PTDSS1: variants seen among roughly 807,000 people sequenced by gnomAD.
PTDSS1 encodes phosphatidylserine synthase 1.
A neutral mutation model predicts 70.5 loss-of-function variants in PTDSS1; 45 were observed. The ratio of observed to expected loss-of-function variants is 0.64; its 90% CI spans 0.50 to 0.82. PTDSS1 has a LOEUF of 0.82. PTDSS1 is among the 40% of genes least tolerant of loss of function. The probability of loss-of-function intolerance (pLI) is 0.00; values close to 1 mark genes in which losing one functional copy is unlikely to be tolerated. For synonymous variants in PTDSS1, 188 were observed against 203.8 expected (o/e 0.92, Z 0.66); for missense variants, 417 against 586.1 (o/e 0.71, Z 2.98).
At position 96,334,932 on chromosome 8, in the gene PTDSS1, A is replaced by G. The variant is rs1051138867; in HGVS notation, c.*1366A>G. 2 of 152,214 alleles carry G rather than the reference A, an allele frequency of 1.3e-5. No homozygotes were observed. Among genetic ancestry groups the G allele is most frequent in the Admixed American group, 6.5e-5 (1 of 15,284 alleles). The allele number at this position is 152,214 out of a possible 1,614,324, so 9.4% of individuals were successfully genotyped here. On this transcript the variant is annotated 3_prime_UTR_variant, in exon 13 of 13. Transcript: ENST00000517309. ...TCGTTCTGATGTTTCTTCTTCTTTA[A>G]GGAAATCTTTAGCCATAGAAGTGTC...
chr8:96,261,915 G>A lies in PTDSS1; in HGVS notation c.-126G>A, dbSNP rs1345176511. The A allele has an allele frequency of 3.8e-6, 4 of 1,043,546 alleles. No individual in the cohort carries two copies. In the African/African-American group the frequency reaches 4.9e-5, roughly 13 times the overall value. The allele number at this position is 1,043,546 out of a possible 1,614,324, so 64.6% of individuals were successfully genotyped here. ...GCGCCTGTCCTTCCCTCTGCTCCCA[G>A]CCTTTGCTGGGCGCCAGACCCGGCT... On this transcript the variant is annotated 5_prime_UTR_variant, in exon 1 of 13. Coordinates refer to ENST00000517309, the MANE Select transcript of PTDSS1 (RefSeq NM_014754.3).
intron 10 of PTDSS1, among the ~76,000 whole-genome samples, chr8:96,329,246 T>C (rs1811479760): frequency 6.6e-6 from 1 of 152,108 alleles, no homozygotes; most frequent in Non-Finnish European, 1.5e-5. Flanking sequence ...ACAGCCAGGA[T>C]GGCTTGATGT....
intron 10 of PTDSS1, among the ~76,000 whole-genome samples, chr8:96,327,386 C>G (rs774446926): frequency 6.6e-6 from 1 of 152,038 alleles, no homozygotes; most frequent in Non-Finnish European, 1.5e-5. Flanking sequence ...GGACGTCGCC[C>G]GAAAAGAGGC....
intron 1 of PTDSS1, among the ~76,000 whole-genome samples, chr8:96,263,680 A>G (rs1467713502): frequency 6.6e-6 from 1 of 152,184 alleles, no homozygotes; most frequent in Non-Finnish European, 1.5e-5. Context: ...TTGGGTAGTC[A>G]CAAGGATTGA....
At chr8:96,306,578 TG>T in intron 8 of PTDSS1, 22 bp downstream of exon 8, 2 of 1,542,068 alleles carry the variant, frequency 1.3e-6, no homozygotes, top group Non-Finnish European at 1.8e-6. Context: ...CAAGCCTGAC[TG>T]TCATATGAGA....
intron 10 of PTDSS1, among the ~76,000 whole-genome samples, chr8:96,321,630 G>A (rs985930222): frequency 1.8e-4 from 27 of 152,060 alleles, no homozygotes; most frequent in Non-Finnish European, 3.2e-4. Flanking sequence ...TCTGTAAGTC[G>A]GTAATTGGAT....
intron 2 of PTDSS1, among the ~76,000 whole-genome samples, chr8:96,275,848 T>C (rs558487382): frequency 4.6e-5 from 7 of 152,298 alleles, no homozygotes; most frequent in Admixed American, 3.3e-4. Context: ...CCTTCTTCTT[T>C]GTCATCACTC....
chr8:96,331,371 A>G (rs1422684509), intron 12 of PTDSS1, among the ~76,000 whole-genome samples: 2 of 152,054 alleles, frequency 1.3e-5, no homozygotes, highest in Non-Finnish European at 2.9e-5. Context: ...TCTACAAAAA[A>G]TACAGAAATT....
chr8:96,319,342 A>G (rs1230744246), intron 9 of PTDSS1, among the ~76,000 whole-genome samples: 1 of 152,166 alleles, frequency 6.6e-6, no homozygotes, highest in South Asian at 2.1e-4. Context: ...CTGGGATCTC[A>G]TGGCCAACTA....
intron 2 of PTDSS1, among the ~76,000 whole-genome samples, chr8:96,273,894 G>C (rs1247279092): frequency 6.6e-6 from 1 of 152,070 alleles, no homozygotes; most frequent in Admixed American, 6.6e-5. Flanking sequence ...ATTTTCATCA[G>C]CAGGAAAAAA....
intron 9 of PTDSS1, among the ~76,000 whole-genome samples, chr8:96,316,805 C>T (rs559707124): frequency 1.3e-4 from 19 of 151,986 alleles, no homozygotes; most frequent in Non-Finnish European, 2.1e-4. Context: ...CCATCCTGGC[C>T]AACATGGTGA....
intron 8 of PTDSS1, 141 bp downstream of exon 8, chr8:96,306,697 G>A (rs1586200524): frequency 4.4e-6 from 3 of 688,808 alleles, no homozygotes; most frequent in Non-Finnish European, 7.5e-6. Flanking sequence ...AGAATATGAC[G>A]AAAATGTTTT....
chr8:96,322,987 G>A (rs1811392903), intron 10 of PTDSS1, among the ~76,000 whole-genome samples: 1 of 152,214 alleles, frequency 6.6e-6, no homozygotes, highest in Non-Finnish European at 1.5e-5. Context: ...GACAGGCATA[G>A]GATAGACATT....
At chr8:96,287,745 C>T (rs181825496) in intron 4 of PTDSS1, among the ~76,000 whole-genome samples, 4 of 152,170 alleles carry the variant, frequency 2.6e-5, no homozygotes, top group East Asian at 1.9e-4. Context: ...TTATTTTTAT[C>T]GAACCATACA....
At chr8:96,287,247 C>A (rs1310782026) in intron 4 of PTDSS1, 101 bp downstream of exon 4, 7 of 1,462,274 alleles carry the variant, frequency 4.8e-6, no homozygotes, top group Non-Finnish European at 5.6e-6. Context: ...CTCTGTATTT[C>A]CTGTGTAGTT....
chr8:96,296,524 T>A (rs1441158689), intron 5 of PTDSS1, among the ~76,000 whole-genome samples: 1 of 152,212 alleles, frequency 6.6e-6, no homozygotes, highest in Non-Finnish European at 1.5e-5. Context: ...CTGTACTGCC[T>A]ATGATCTCAT....
At chr8:96,269,013 G>A (rs527393023) in intron 1 of PTDSS1, among the ~76,000 whole-genome samples, 1 of 152,330 alleles carries the variant, frequency 6.6e-6, no homozygotes, top group East Asian at 1.9e-4. Context: ...GGGAAATGAG[G>A]TGGGACTTGT....
At chr8:96,276,422 T>G (rs1385304200) in intron 2 of PTDSS1, among the ~76,000 whole-genome samples, 1 of 152,196 alleles carries the variant, frequency 6.6e-6, no homozygotes, top group African/African-American at 2.4e-5. Context: ...GTGCTTTTGT[T>G]TTGATTCTGG....
chr8:96,263,640 G>T (rs940004439), intron 1 of PTDSS1, among the ~76,000 whole-genome samples: 1 of 152,202 alleles, frequency 6.6e-6, no homozygotes, highest in Admixed American at 6.5e-5. Context: ...CTCTGTCAGG[G>T]TCAGCAGAAC....
Sources: gnomAD v4.1 joint callset for allele counts (sites outside exome capture counted in the v4.1 genomes callset) on GRCh38, gnomAD v4.1.1 for gene constraint, MANE v1.5 for transcripts, NCBI Gene and HGNC (gene_info 2026-07-23, HGNC 2026-07-21) for gene names.